TMEM266: variants seen among roughly 807,000 people sequenced by gnomAD.
TMEM266 encodes the protein transmembrane protein 266, also known as Hv1 related protein 1.
A neutral mutation model predicts 50.5 loss-of-function variants in TMEM266; 33 were observed. That is an observed-to-expected ratio of 0.65 (90% confidence interval 0.50 to 0.87). TMEM266 has a LOEUF of 0.87. Ranked by LOEUF, TMEM266 falls within the 40% of genes least tolerant of loss-of-function variation. The pLI, the probability that TMEM266 is intolerant of heterozygous loss-of-function variation, is 0.00. For synonymous variants in TMEM266, 310 were observed against 292.3 expected (o/e 1.06, Z -0.62); for missense variants, 655 against 695.1 (o/e 0.94, Z 0.65).
At chr15:76,060,618 C>T (rs1161257790) in intron 1 of TMEM266, among the ~76,000 whole-genome samples, 2 of 152,216 alleles carry the variant, frequency 1.3e-5, no homozygotes, top group Admixed American at 1.3e-4. Flanking sequence ...CTAGGGCAGG[C>T]AGTTCCCTGC....
chr15:76,069,679 A>G (rs1027167791), intron 1 of TMEM266, among the ~76,000 whole-genome samples: 5 of 152,060 alleles, frequency 3.3e-5, no homozygotes, highest in African/African-American at 1.2e-4. Flanking sequence ...TTAGCGGGAC[A>G]TGGTGGTGCA....
intron 5 of TMEM266, among the ~76,000 whole-genome samples, chr15:76,167,326 C>T (rs1426483003): frequency 3.3e-5 from 5 of 151,626 alleles, no homozygotes; most frequent in Non-Finnish European, 7.4e-5. Context: ...AAAAATTAGC[C>T]GGGCATGGTG....
chr15:76,204,480 C>T lies in TMEM266; in HGVS notation c.*165C>T, dbSNP rs2038805584. ...CGACGCCAGGCCAGGAGGCCACAAG[C>T]TTCAGACCTCAAAGCCCAGAGCTGG... On this transcript the variant is annotated 3_prime_UTR_variant, in exon 11 of 11. Transcript: ENST00000388942. 1 of 605,018 alleles carries T rather than the reference C, an allele frequency of 1.7e-6. No homozygotes were observed. The highest frequency in any genetic ancestry group is 2.9e-6 in the Non-Finnish European group (1 of 350,070). 37.5% of individuals were successfully genotyped at this position (605,018 alleles called of 1,614,324 possible).
intron 8 of TMEM266, 61 bp from the exon 9 acceptor site, chr15:76,191,907 A>G: frequency 1.4e-6 from 2 of 1,454,386 alleles, no homozygotes; most frequent in Non-Finnish European, 1.8e-6. Context: ...CCCAGAGGTC[A>G]GGCTGGAGGC....
chr15:76,118,897 T>C (rs1453013250), intron 1 of TMEM266, among the ~76,000 whole-genome samples: 1 of 151,732 alleles, frequency 6.6e-6, no homozygotes, highest in East Asian at 1.9e-4. Context: ...GAGAGAGGAG[T>C]TAGTGAGTGG....
Position 76,202,304 on chromosome 15 carries a change from C to G in TMEM266, c.1021+40C>G, listed in dbSNP as rs191277491. 2,158 of 1,557,552 alleles carry G rather than the reference C, an allele frequency of 1.4e-3. 28 individuals carry two copies. In the African/African-American group the frequency reaches 0.025, roughly 18 times the overall value. On this transcript the variant is annotated intron_variant, in intron 10 of 10. Transcript: ENST00000388942. ...GGGCTGTTCTACATGTGCCACAACC[C>G]CAGCAATCCCTAAACCCAGAGACAA...
intron 1 of TMEM266, among the ~76,000 whole-genome samples, chr15:76,104,472 T>C (rs1283148531): frequency 2.4e-4 from 37 of 152,160 alleles, no homozygotes; most frequent in Admixed American, 2.4e-3. Flanking sequence ...AGCGCTGATA[T>C]GTCTCGAGAT....
chr15:76,136,396 C>T (rs1300927643), intron 2 of TMEM266, among the ~76,000 whole-genome samples: 2 of 152,174 alleles, frequency 1.3e-5, no homozygotes, highest in Admixed American at 6.5e-5. Context: ...GAAGGAACAG[C>T]CCTTAGGAAT....
chr15:76,172,915 C>T (rs1319686608), intron 7 of TMEM266, among the ~76,000 whole-genome samples: 3 of 152,068 alleles, frequency 2.0e-5, no homozygotes, highest in Non-Finnish European at 4.4e-5. Context: ...CAGCTGTGAA[C>T]AGCCGCACAC....
At chr15:76,185,762 G>A (rs924309836) in intron 8 of TMEM266, among the ~76,000 whole-genome samples, 4 of 152,188 alleles carry the variant, frequency 2.6e-5, no homozygotes, top group South Asian at 2.1e-4. Flanking sequence ...CTCTGGGAAC[G>A]GGGCATTTTG....
intron 8 of TMEM266, among the ~76,000 whole-genome samples, chr15:76,180,062 T>G (rs1357907834): frequency 6.6e-6 from 1 of 152,248 alleles, no homozygotes; most frequent in African/African-American, 2.4e-5. Context: ...ACCCAGCTCT[T>G]TTTAAAAAAA....
intron 2 of TMEM266, among the ~76,000 whole-genome samples, chr15:76,135,052 A>T (rs1247590162): frequency 6.6e-6 from 1 of 152,168 alleles, no homozygotes; most frequent in Non-Finnish European, 1.5e-5. Context: ...GCAGAAATTC[A>T]CAGAGCCTTT....
At chr15:76,100,404 T>TA (rs1249848683) in intron 1 of TMEM266, among the ~76,000 whole-genome samples, 2 of 152,200 alleles carry the variant, frequency 1.3e-5, no homozygotes, top group Admixed American at 6.5e-5. Context: ...ATTCCCTCAC[T>TA]AAAAAATGGG....
At chr15:76,166,779 T>A (rs1268685057) in intron 5 of TMEM266, among the ~76,000 whole-genome samples, 2 of 152,082 alleles carry the variant, frequency 1.3e-5, no homozygotes, top group Non-Finnish European at 2.9e-5. Context: ...GAAAGTAGAA[T>A]GGGGAGAGGT....
chr15:76,089,695 A>G lies in TMEM266; in HGVS notation c.-97+29679A>G, dbSNP rs545795997. 9.2e-5 allele frequency among the ~76,000 whole-genome samples: 14 copies of G among 152,248 alleles called. No individual in the cohort carries two copies. The South Asian group carries it at 2.9e-3, about 32-fold the overall frequency. On this transcript the variant is annotated intron_variant, in intron 1 of 10. Coordinates refer to ENST00000388942, the MANE Select transcript of TMEM266 (RefSeq NM_152335.3). Reference sequence around the variant, plus strand: ...GTGCGTTTTTTGTTTTGGGATGATCACTAATTGAATGAAGGATGTACCGAC... The same window carrying G: ...GTGCGTTTTTTGTTTTGGGATGATCGCTAATTGAATGAAGGATGTACCGAC...
chr15:76,119,408 A>AAAAAAAAAAAG (rs1555447938), intron 1 of TMEM266, among the ~76,000 whole-genome samples: 2 of 148,930 alleles, frequency 1.3e-5, no homozygotes, highest in Non-Finnish European at 3.0e-5. Flanking sequence ...AAAAAAAAAA[A>AAAAAAAAAAAG]AAAAGAAAAG....
chr15:76,084,828 C>T (rs1013302442), intron 1 of TMEM266, among the ~76,000 whole-genome samples: 1 of 151,920 alleles, frequency 6.6e-6, no homozygotes, highest in African/African-American at 2.4e-5. Context: ...GTCTTGAACT[C>T]CTGACCTCGT....
At chr15:76,067,593 A>G (rs2036449140) in intron 1 of TMEM266, among the ~76,000 whole-genome samples, 1 of 145,186 alleles carries the variant, frequency 6.9e-6, no homozygotes, top group African/African-American at 2.5e-5. Flanking sequence ...AGATTGCGCC[A>G]TTGCACTCCA....
intron 1 of TMEM266, among the ~76,000 whole-genome samples, chr15:76,073,306 C>T (rs1040325716): frequency 1.3e-5 from 2 of 150,742 alleles, no homozygotes. Context: ...GATCTCGGCT[C>T]ACTGCAACCT....
Sources: allele counts gnomAD v4.1 joint callset (sites outside exome capture counted in the v4.1 genomes callset), GRCh38; gene constraint gnomAD v4.1.1; transcripts MANE v1.5; gene names NCBI Gene and HGNC (gene_info 2026-07-23, HGNC 2026-07-21).